MBNL2: variants seen among roughly 807,000 people sequenced by gnomAD.
MBNL2 encodes the protein muscleblind like splicing regulator 2, also known as muscleblind-like protein 2.
Under a neutral mutation model 41.9 loss-of-function variants are expected in MBNL2, and 17 were observed. That is an observed-to-expected ratio of 0.41 (90% confidence interval 0.28 to 0.61). The LOEUF is 0.61. Among genes scored for constraint, MBNL2 ranks in the 20% least tolerant of loss-of-function variants. The probability of loss-of-function intolerance (pLI) is 0.35; values close to 1 mark genes in which losing one functional copy is unlikely to be tolerated. For missense variants in MBNL2, 336 were observed against 505.6 expected, an observed-to-expected ratio of 0.66 and a Z score of 3.22; for synonymous variants, 195 against 182.9, an observed-to-expected ratio of 1.07 and a Z score of -0.53.
intron 1 of MBNL2, among the ~76,000 whole-genome samples, chr13:97,267,753 G>A (rs1421843193): frequency 1.3e-5 from 2 of 152,210 alleles, no homozygotes; most frequent in African/African-American, 4.8e-5. Flanking sequence ...GAGTCTGGCT[G>A]TTTTGTTGTT....
intron 5 of MBNL2, among the ~76,000 whole-genome samples, chr13:97,355,274 A>G (rs1471438480): frequency 6.6e-6 from 1 of 151,936 alleles, no homozygotes; most frequent in Non-Finnish European, 1.5e-5. Flanking sequence ...AGTCCTTTCT[A>G]CTTGATTTCT....
the MBNL2 span, among the ~76,000 whole-genome samples, chr13:97,169,053 T>A: frequency 6.6e-6 from 1 of 152,170 alleles, no homozygotes; most frequent in Non-Finnish European, 1.5e-5. Flanking sequence ...CCCCCCTTTG[T>A]CGCATGGCTT....
the MBNL2 span, among the ~76,000 whole-genome samples, chr13:97,210,127 T>C: frequency 6.6e-6 from 1 of 152,230 alleles, no homozygotes; most frequent in Admixed American, 6.5e-5. Flanking sequence ...AAACCCAAAG[T>C]GTCCTCAGTA....
chr13:97,242,692 AGCCCCCCGGGGTTGGGGAT>A (rs1271346710), intron 1 of MBNL2, among the ~76,000 whole-genome samples: 1 of 151,824 alleles, frequency 6.6e-6, no homozygotes, highest in African/African-American at 2.4e-5. Context: ...GGGTCCCGGG[AGCCCCCCGGGGTTGGGGAT>A]GAGGGTACCT....
At chr13:97,236,699 C>T (rs1566358342) in intron 1 of MBNL2, among the ~76,000 whole-genome samples, 2 of 152,108 alleles carry the variant, frequency 1.3e-5, no homozygotes, top group South Asian at 2.1e-4. Flanking sequence ...TCTCTGTTCC[C>T]GCCTATAATC....
chr13:97,271,525 G>A (rs544614043), intron 1 of MBNL2, among the ~76,000 whole-genome samples: 10 of 151,794 alleles, frequency 6.6e-5, no homozygotes, highest in South Asian at 2.1e-4. Flanking sequence ...ATAGGTATAC[G>A]TGTGCCACGG....
chr13:97,242,695 C>A (rs1007008689), intron 1 of MBNL2, among the ~76,000 whole-genome samples: 7 of 151,756 alleles, frequency 4.6e-5, no homozygotes, highest in African/African-American at 1.7e-4. Flanking sequence ...TCCCGGGAGC[C>A]CCCCGGGGTT....
At chr13:97,263,857 A>T (rs752128295) in intron 1 of MBNL2, among the ~76,000 whole-genome samples, 1 of 152,074 alleles carries the variant, frequency 6.6e-6, no homozygotes, top group Non-Finnish European at 1.5e-5. Context: ...ACCTCAGGTG[A>T]TCTGCCCGCC....
intron 2 of MBNL2, among the ~76,000 whole-genome samples, chr13:97,292,058 G>A (rs952623225): frequency 2.6e-5 from 4 of 151,442 alleles, no homozygotes; most frequent in Non-Finnish European, 1.5e-5. Flanking sequence ...AAAACTAGCC[G>A]GGTGTGATGG....
intron 2 of MBNL2, among the ~76,000 whole-genome samples, chr13:97,280,590 C>A (rs1357874411): frequency 3.3e-5 from 5 of 152,346 alleles, no homozygotes; most frequent in Admixed American, 2.6e-4. Flanking sequence ...CCAGTGGCTT[C>A]TCACCACACT....
chr13:97,195,399 G>A, the MBNL2 span, among the ~76,000 whole-genome samples: 1 of 152,068 alleles, frequency 6.6e-6, no homozygotes, highest in Non-Finnish European at 1.5e-5. Context: ...CCTGTAGACT[G>A]TGTGTGCCTC....
At chr13:97,335,014 A>T (rs2060757218) in intron 3 of MBNL2, among the ~76,000 whole-genome samples, 2 of 152,302 alleles carry the variant, frequency 1.3e-5, no homozygotes, top group South Asian at 4.1e-4. Context: ...ACCAAGGAAG[A>T]CCCTACCTGA....
At chr13:97,298,647 G>GAAT (rs1259056581) in intron 2 of MBNL2, among the ~76,000 whole-genome samples, 1 of 152,026 alleles carries the variant, frequency 6.6e-6, no homozygotes, top group Admixed American at 6.6e-5. Context: ...AGTTATCTCA[G>GAAT]ACCTGTTTAT....
the MBNL2 span, among the ~76,000 whole-genome samples, chr13:97,193,511 A>C: frequency 6.6e-6 from 1 of 152,222 alleles, no homozygotes; most frequent in Non-Finnish European, 1.5e-5. Context: ...TGAGTTTGCA[A>C]ATCTTGGCTT....
rs991640481 is a variant in MBNL2 at position 97,334,957 on chromosome 13, G to T, written c.339+517G>T. On this transcript the variant is annotated intron_variant, in intron 3 of 8. Coordinates refer to ENST00000679496, the MANE Select transcript of MBNL2 (RefSeq NM_001382683.1). This position sits in a 1 kb window ranked among gnomAD's most constrained non-coding sequence, Gnocchi z 5.3. ...GAGCGCTTTCTGCAGTGTGTTCCAG[G>T]AAGATCCTAGTAACAGCCCCCAAAG... Among the ~76,000 whole-genome samples, 3 of 152,184 alleles carry T rather than the reference G, an allele frequency of 2.0e-5. 1 individual carries two copies. The highest frequency in any genetic ancestry group is 4.4e-5 in the Non-Finnish European group (3 of 68,036).
chr13:97,232,287 A>C (rs1202341794), intron 1 of MBNL2, among the ~76,000 whole-genome samples: 1 of 152,146 alleles, frequency 6.6e-6, no homozygotes, highest in African/African-American at 2.4e-5. Context: ...GAGTCAAGCT[A>C]AACTGATTTA....
At chr13:97,230,119 G>A (rs1213183125) in intron 1 of MBNL2, among the ~76,000 whole-genome samples, 1 of 152,210 alleles carries the variant, frequency 6.6e-6, no homozygotes, top group Non-Finnish European at 1.5e-5. Context: ...CCAACATGGT[G>A]AAACCCCATC....
chr13:97,356,934 C>T (rs1433366687), intron 6 of MBNL2, 85 bp downstream of exon 6: 19 of 776,168 alleles, frequency 2.4e-5, no homozygotes, highest in Non-Finnish European at 3.6e-5. Context: ...ATACTGGTTG[C>T]AAACAATCAT....
At chr13:97,316,174 TCA>T (rs2059035308) in intron 2 of MBNL2, among the ~76,000 whole-genome samples, 2 of 152,222 alleles carry the variant, frequency 1.3e-5, no homozygotes, top group South Asian at 2.1e-4. Context: ...TTCCAGGGGC[TCA>T]GGCCCAAAAC....
Sources: gnomAD v4.1 joint callset for allele counts (sites outside exome capture counted in the v4.1 genomes callset) on GRCh38, gnomAD v4.1.1 for gene constraint, Gnocchi (gnomAD v3.1) non-coding constraint, MANE v1.5 for transcripts, NCBI Gene and HGNC (gene_info 2026-07-23, HGNC 2026-07-21) for gene names.